Variants in PPP2R2B observed in about 807,000 individuals in gnomAD.
PPP2R2B encodes the protein protein phosphatase 2 regulatory subunit Bbeta.
Under a neutral mutation model 46.0 loss-of-function variants are expected in PPP2R2B, and 5 were observed. The observed-to-expected ratio is 0.11, with a 90% CI of 0.06 to 0.23. The LOEUF (loss-of-function observed/expected upper bound fraction) is 0.23, where lower values mean the gene tolerates loss of function less well. Among genes scored for constraint, PPP2R2B ranks in the 10% least tolerant of loss-of-function variants. The pLI is 1.00. For synonymous variants in PPP2R2B, 215 were observed against 206.7 expected, an observed-to-expected ratio of 1.04 and a Z score of -0.34; for missense variants, 367 against 575.0, an observed-to-expected ratio of 0.64 and a Z score of 3.70.
intron 2 of PPP2R2B, among the ~76,000 whole-genome samples, chr5:146,812,844 T>TATATGTA (rs1271380416): frequency 1.9e-5 from 2 of 107,900 alleles, no homozygotes; most frequent in Non-Finnish European, 3.7e-5. Flanking sequence ...CACATTTCCA[T>TATATGTA]TATAAAACCA....
intron 1 of PPP2R2B, among the ~76,000 whole-genome samples, chr5:146,985,073 T>A (rs1164185755): frequency 2.8e-5 from 4 of 143,498 alleles, no homozygotes; most frequent in Non-Finnish European, 6.0e-5. Flanking sequence ...CAGGCTGGAG[T>A]GCAGTGGTGT....
intron 2 of PPP2R2B, among the ~76,000 whole-genome samples, chr5:147,079,153 A>G (rs1214274566): frequency 1.3e-5 from 2 of 151,850 alleles, no homozygotes; most frequent in Admixed American, 6.6e-5. Context: ...GCTCTATTTG[A>G]CAATTCATCT....
intron 1 of PPP2R2B, among the ~76,000 whole-genome samples, chr5:146,928,147 T>C (rs1032016444): frequency 2.6e-5 from 4 of 152,344 alleles, no homozygotes; most frequent in African/African-American, 7.2e-5. Flanking sequence ...TGTCTTTTTT[T>C]ACTTGTGCCT....
chr5:146,608,433 T>C (rs1466068091), intron 7 of PPP2R2B, among the ~76,000 whole-genome samples: 1 of 152,158 alleles, frequency 6.6e-6, no homozygotes, highest in Non-Finnish European at 1.5e-5. Context: ...ACGCAACTTA[T>C]CTTTAAAATG....
At chr5:146,776,559 A>T (rs989734736) in intron 2 of PPP2R2B, among the ~76,000 whole-genome samples, 2 of 152,170 alleles carry the variant, frequency 1.3e-5, no homozygotes, top group Non-Finnish European at 2.9e-5. Flanking sequence ...GCAAGAAAAT[A>T]TAATGGCAAA....
chr5:147,002,244 GC>G (rs1488972652), intron 1 of PPP2R2B, among the ~76,000 whole-genome samples: 1 of 152,074 alleles, frequency 6.6e-6, no homozygotes, highest in Non-Finnish European at 1.5e-5. Flanking sequence ...TTTGCCCAAA[GC>G]CCTGTTGTAG....
intron 2 of PPP2R2B, among the ~76,000 whole-genome samples, chr5:146,746,345 T>C (rs1753190039): frequency 6.6e-6 from 1 of 150,902 alleles, no homozygotes; most frequent in South Asian, 2.1e-4. Context: ...AACATCTGTA[T>C]TAACTTTGAC....
chr5:146,843,251 T>A (rs10515577), intron 2 of PPP2R2B, among the ~76,000 whole-genome samples: 1 of 152,154 alleles, frequency 6.6e-6, no homozygotes, highest in African/African-American at 2.4e-5. Flanking sequence ...GGGTCTTGAT[T>A]ACATCTTTTT....
chr5:146,663,802 T>C (rs1776815947), intron 5 of PPP2R2B, among the ~76,000 whole-genome samples: 1 of 152,116 alleles, frequency 6.6e-6, no homozygotes, highest in Non-Finnish European at 1.5e-5. Flanking sequence ...TTGCTGAAGG[T>C]TGAGGTGGCT....
At chr5:146,892,239 C>G (rs1438922104) in intron 1 of PPP2R2B, among the ~76,000 whole-genome samples, 1 of 152,228 alleles carries the variant, frequency 6.6e-6, no homozygotes, top group African/African-American at 2.4e-5. Context: ...ATTCCATCAG[C>G]TCTAGAACTA....
At chr5:146,852,741 C>T (rs563401186) in intron 2 of PPP2R2B, among the ~76,000 whole-genome samples, 23 of 152,130 alleles carry the variant, frequency 1.5e-4, no homozygotes, top group Middle Eastern at 6.8e-3. Flanking sequence ...ATAGTATAGA[C>T]GGTCCTAAGT....
chr5:146,979,813 A>G (rs1753083692), intron 1 of PPP2R2B, among the ~76,000 whole-genome samples: 1 of 152,222 alleles, frequency 6.6e-6, no homozygotes, highest in Admixed American at 6.5e-5. Flanking sequence ...ATACTGTAAT[A>G]AAAGTTATGT....
chr5:146,746,806 A>G (rs1233926998), intron 2 of PPP2R2B, among the ~76,000 whole-genome samples: 4 of 152,200 alleles, frequency 2.6e-5, no homozygotes, highest in East Asian at 3.9e-4. Flanking sequence ...CTGAGTTTAC[A>G]TGCATTTATC....
intron 1 of PPP2R2B, among the ~76,000 whole-genome samples, chr5:146,934,099 G>C (rs1432397418): frequency 6.6e-6 from 1 of 151,980 alleles, no homozygotes; most frequent in Non-Finnish European, 1.5e-5. Context: ...CATTTGGGTT[G>C]GTTCCAAGTC....
intron 1 of PPP2R2B, among the ~76,000 whole-genome samples, chr5:146,982,661 G>A (rs1753230200): frequency 6.6e-6 from 1 of 152,094 alleles, no homozygotes; most frequent in Admixed American, 6.5e-5. Flanking sequence ...TTATAGATTT[G>A]TCTATTTCTC....
intron 2 of PPP2R2B, among the ~76,000 whole-genome samples, chr5:146,853,622 C>T (rs1233735458): frequency 6.6e-6 from 1 of 152,068 alleles, no homozygotes. Flanking sequence ...GGGCTTAGTA[C>T]ACTACATGGC....
At chr5:146,607,124 C>T (rs988583641) in intron 7 of PPP2R2B, 1 of 152,110 alleles carries the variant, frequency 6.6e-6, no homozygotes, top group Non-Finnish European at 1.5e-5. Flanking sequence ...AGAAAAGCCT[C>T]GCCGATTGAG....
intron 2 of PPP2R2B, among the ~76,000 whole-genome samples, chr5:146,772,378 T>G (rs1754909738): frequency 8.1e-6 from 1 of 123,414 alleles, no homozygotes; most frequent in African/African-American, 2.9e-5. Flanking sequence ...AGTTAATAAC[T>G]TGTGCATATA....
intron 5 of PPP2R2B, among the ~76,000 whole-genome samples, chr5:146,690,711 T>C (rs1778796378): frequency 2.6e-5 from 4 of 152,186 alleles, no homozygotes. Flanking sequence ...ATTGGGAAAT[T>C]TGGGTAAGTG....
Sources: allele counts gnomAD v4.1 joint callset (sites outside exome capture counted in the v4.1 genomes callset), GRCh38; gene constraint gnomAD v4.1.1; transcripts MANE v1.5; gene names NCBI Gene and HGNC (gene_info 2026-07-23, HGNC 2026-07-21).